FRMD4A: variants seen among roughly 807,000 people sequenced by gnomAD.
FRMD4A encodes FERM domain containing 4A.
In FRMD4A, 29 loss-of-function variants were observed where a neutral mutation model predicts 129.1. That is an observed-to-expected ratio of 0.22 (90% CI 0.17 to 0.31). FRMD4A has a LOEUF of 0.31. Ranked by LOEUF, FRMD4A falls within the 10% of genes least tolerant of loss-of-function variation. The probability of loss-of-function intolerance (pLI) is 1.00; values close to 1 mark genes in which losing one functional copy is unlikely to be tolerated. For synonymous variants in FRMD4A, 634 were observed against 571.6 expected (o/e 1.11, Z -1.56); for missense variants, 1,272 against 1,375.8 (o/e 0.92, Z 1.19).
chr10:14,216,957 T>C (rs1303675613), intron 2 of FRMD4A, among the ~76,000 whole-genome samples: 1 of 152,082 alleles, frequency 6.6e-6, no homozygotes. Context: ...CAGTTGAGGA[T>C]TTTCCTAAAT....
intron 8 of FRMD4A, 122 bp from the exon 9 acceptor site, chr10:13,747,941 C>T (rs1249790589): frequency 2.3e-5 from 16 of 688,028 alleles, no homozygotes; most frequent in Non-Finnish European, 4.0e-5. Flanking sequence ...TAATAAAAAG[C>T]AGTGGGGGGA....
intron 2 of FRMD4A, among the ~76,000 whole-genome samples, chr10:14,196,181 A>G (rs1842468278): frequency 6.6e-6 from 1 of 150,818 alleles, no homozygotes; most frequent in African/African-American, 2.5e-5. Flanking sequence ...ACACACACAC[A>G]CACACACATC....
chr10:14,306,644 T>C (rs1375450827), intron 2 of FRMD4A, among the ~76,000 whole-genome samples: 1 of 152,232 alleles, frequency 6.6e-6, no homozygotes, highest in East Asian at 1.9e-4. Flanking sequence ...TTTATGAAGT[T>C]CATTGTTTGA....
chr10:14,081,821 C>T (rs1835944671), intron 2 of FRMD4A, among the ~76,000 whole-genome samples: 1 of 152,204 alleles, frequency 6.6e-6, no homozygotes, highest in Non-Finnish European at 1.5e-5. Flanking sequence ...CAAATTCAGA[C>T]ATCCAATGCA....
At chr10:13,826,780 G>A (rs575075695) in intron 3 of FRMD4A, among the ~76,000 whole-genome samples, 7 of 152,190 alleles carry the variant, frequency 4.6e-5, no homozygotes, top group Middle Eastern at 6.8e-3. Flanking sequence ...CTGCTCTCCC[G>A]GGAGGCTAAA....
chr10:13,873,019 T>C (rs948499655), intron 2 of FRMD4A, among the ~76,000 whole-genome samples: 2 of 151,594 alleles, frequency 1.3e-5, no homozygotes, highest in African/African-American at 2.4e-5. Flanking sequence ...CTACTACAAA[T>C]ACAAAAATTA....
intron 2 of FRMD4A, among the ~76,000 whole-genome samples, chr10:13,912,577 A>G (rs1476152685): frequency 5.1e-5 from 7 of 136,748 alleles, no homozygotes; most frequent in Non-Finnish European, 9.1e-5. Context: ...CGCCCAGGCT[A>G]GAGTGCAGTG....
intron 2 of FRMD4A, among the ~76,000 whole-genome samples, chr10:14,234,252 C>T (rs1384282827): frequency 1.3e-5 from 2 of 152,122 alleles, no homozygotes; most frequent in Non-Finnish European, 2.9e-5. Flanking sequence ...AGTGGCTGAA[C>T]CAACCACTGC....
chr10:14,053,735 G>A (rs1018323897), intron 2 of FRMD4A, among the ~76,000 whole-genome samples: 2 of 152,152 alleles, frequency 1.3e-5, no homozygotes. Flanking sequence ...AAAGACCCTT[G>A]TGGCTGGGCA....
intron 2 of FRMD4A, among the ~76,000 whole-genome samples, chr10:14,152,117 CTTTTTTTTTTTTTT>C (rs36023583): frequency 1.7e-4 from 9 of 54,152 alleles, no homozygotes; most frequent in East Asian, 7.0e-4. Context: ...TTGTGTAGTG[CTTTTTTTTTTTTTT>C]TTTTTTTTTT....
chr10:13,705,697 T>C (rs909327225), intron 13 of FRMD4A, among the ~76,000 whole-genome samples: 1 of 152,218 alleles, frequency 6.6e-6, no homozygotes, highest in Non-Finnish European at 1.5e-5. Flanking sequence ...CCTGCACAGA[T>C]GGATCTGTGC....
intron 2 of FRMD4A, among the ~76,000 whole-genome samples, chr10:14,079,975 C>A (rs969629416): frequency 6.6e-6 from 1 of 152,162 alleles, no homozygotes; most frequent in African/African-American, 2.4e-5. Context: ...GCGCCCAACA[C>A]CAAGCATAAC....
intron 2 of FRMD4A, among the ~76,000 whole-genome samples, chr10:14,215,313 C>A (rs1230981896): frequency 1.3e-5 from 2 of 152,070 alleles, no homozygotes; most frequent in Non-Finnish European, 2.9e-5. Context: ...TTGAAAGGAT[C>A]CAATATTTCT....
chr10:13,654,832 G>C (rs529099252), intron 22 of FRMD4A: 2 of 398,030 alleles, frequency 5.0e-6, no homozygotes, highest in Non-Finnish European at 8.9e-6. Context: ...GGATGGTGAC[G>C]GTTTCTACAG....
At position 14,227,599 on chromosome 10, in the gene FRMD4A, C is replaced by T. The variant is rs1431834550; in HGVS notation, c.45+102459G>A. On this transcript the variant is annotated intron_variant, in intron 2 of 24. Coordinates refer to ENST00000357447, the MANE Select transcript of FRMD4A (RefSeq NM_018027.5). ...CCCATTCCTATGCTCTCAGCTTGAG[C>T]GTCACTTACACCAAGCCTGCATGAG... Among the ~76,000 whole-genome samples the T allele has an allele frequency of 3.3e-5, 5 of 151,970 alleles. No homozygotes were observed. The East Asian group carries it at 9.7e-4, about 29-fold the overall frequency.
At chr10:13,703,878 G>A (rs111356944) in intron 13 of FRMD4A, among the ~76,000 whole-genome samples, 1,959 of 152,248 alleles carry the variant, frequency 0.013, 49 homozygotes, top group African/African-American at 0.044. Context: ...AGTGGCGCAC[G>A]CCTGTAGTCC....
chr10:14,175,586 AT>A (rs1354944366), intron 2 of FRMD4A, among the ~76,000 whole-genome samples: 1 of 148,688 alleles, frequency 6.7e-6, no homozygotes, highest in Non-Finnish European at 1.5e-5. Context: ...CAGTGGTGCA[AT>A]GATGATGGCT....
chr10:13,905,753 A>G (rs1190419046), intron 2 of FRMD4A, among the ~76,000 whole-genome samples: 1 of 152,218 alleles, frequency 6.6e-6, no homozygotes, highest in Non-Finnish European at 1.5e-5. Flanking sequence ...ACCTAGAAGG[A>G]AGCAGATTTG....
intron 2 of FRMD4A, among the ~76,000 whole-genome samples, chr10:14,224,602 G>A (rs1843374337): frequency 6.6e-6 from 1 of 152,112 alleles, no homozygotes; most frequent in African/African-American, 2.4e-5. Flanking sequence ...GAGTTTCAAA[G>A]TATTAGCATC....
Sources: allele counts gnomAD v4.1 joint callset (sites outside exome capture counted in the v4.1 genomes callset), GRCh38; gene constraint gnomAD v4.1.1; transcripts MANE v1.5; gene names NCBI Gene and HGNC (gene_info 2026-07-23, HGNC 2026-07-21).